Variants in CHURC1 observed in about 807,000 individuals in gnomAD.
CHURC1 encodes the protein protein Churchill.
A neutral mutation model predicts 15.4 loss-of-function variants in CHURC1; 12 were observed. The ratio of observed to expected loss-of-function variants is 0.78; its 90% CI spans 0.50 to 1.27. The LOEUF is 1.27. Ranked by LOEUF, CHURC1 falls within the 50% of genes most tolerant of loss-of-function variation. The probability of loss-of-function intolerance (pLI) is 0.00; values close to 1 mark genes in which losing one functional copy is unlikely to be tolerated. For synonymous variants in CHURC1, 42 were observed against 47.5 expected, an observed-to-expected ratio of 0.88 and a Z score of 0.48; for missense variants, 132 against 137.8, an observed-to-expected ratio of 0.96 and a Z score of 0.21.
chr14:64,922,320 T>C (rs896382448), intron 1 of CHURC1, among the ~76,000 whole-genome samples: 3 of 152,062 alleles, frequency 2.0e-5, no homozygotes, highest in African/African-American at 7.2e-5. Flanking sequence ...GGCTCATTCC[T>C]GTAATCCCAG....
chr14:64,926,493 G>A (rs1884709705), intron 3 of CHURC1, among the ~76,000 whole-genome samples: 1 of 152,188 alleles, frequency 6.6e-6, no homozygotes, highest in African/African-American at 2.4e-5. Context: ...ATAAAGAATA[G>A]TAGCACATTC....
In CHURC1 at chr14:64,932,440, G is replaced by A; in HGVS notation, c.*210G>A. 2.4e-6 allele frequency: 3 copies of A among 1,271,996 alleles called. No homozygotes were observed. The highest frequency in any genetic ancestry group is 3.0e-6 in the Non-Finnish European group (3 of 1,005,150). The allele number at this position is 1,271,996 out of a possible 1,614,324, so 78.8% of individuals were successfully genotyped here. Reference sequence around the variant, plus strand: ...GCTAAAGTTCAAAGTTCACATCAGTGTAGCCAGAGTGAAGCATCTTTGTTA... The same window carrying A: ...GCTAAAGTTCAAAGTTCACATCAGTATAGCCAGAGTGAAGCATCTTTGTTA... On this transcript the variant is annotated 3_prime_UTR_variant, in exon 4 of 4. Coordinates refer to ENST00000549115, the MANE Select transcript of CHURC1 (RefSeq NM_001386928.1).
chr14:64,916,967 A>G (rs1413021522), intron 1 of CHURC1, among the ~76,000 whole-genome samples: 1 of 152,234 alleles, frequency 6.6e-6, no homozygotes, highest in Non-Finnish European at 1.5e-5. Context: ...TTGGGCCACC[A>G]TCAAAATTTT....
chr14:64,928,969 T>C (rs977686394), intron 3 of CHURC1, among the ~76,000 whole-genome samples: 1 of 152,144 alleles, frequency 6.6e-6, no homozygotes, highest in Admixed American at 6.5e-5. Context: ...TCTCATTTCC[T>C]TCTCTAGCCT....
intron 3 of CHURC1, among the ~76,000 whole-genome samples, chr14:64,926,876 G>C (rs528194071): frequency 6.6e-6 from 1 of 152,312 alleles, no homozygotes; most frequent in African/African-American, 2.4e-5. Context: ...AGTTGCTGAA[G>C]ATACACAGGT....
chr14:64,918,293 C>T (rs1315809488), intron 1 of CHURC1, among the ~76,000 whole-genome samples: 2 of 152,124 alleles, frequency 1.3e-5, no homozygotes, highest in Non-Finnish European at 1.5e-5. Context: ...GTGGATGTTA[C>T]GGGTCTTAGA....
In CHURC1 at chr14:64,929,667, T is replaced by C. The variant is rs180717216; in HGVS notation, c.247-2471T>C. 1.3e-3 allele frequency among the ~76,000 whole-genome samples: 192 copies of C among 152,354 alleles called. 1 individual carries two copies. The highest frequency in any genetic ancestry group is 4.4e-3 in the African/African-American group (181 of 41,584). On this transcript the variant is annotated intron_variant, in intron 3 of 3. Transcript: ENST00000549115. ...TACACTACCCATCTTCAAGTTGCTT[T>C]ATTTATATTTCACCATTCTCATATC...
In CHURC1 at chr14:64,933,340, A is replaced by AGT; in HGVS notation, c.*1114_*1115dup. 2.0e-6 allele frequency: 2 copies of AGT among 979,054 alleles called. No individual in the cohort carries two copies. The highest frequency in any genetic ancestry group is 2.4e-6 in the Non-Finnish European group (2 of 823,842). 60.6% of individuals were successfully genotyped at this position (979,054 alleles called of 1,614,324 possible). A position where few individuals can be genotyped will look rare whatever the true frequency, so the allele number is the denominator to read the frequency against. On this transcript the variant is annotated 3_prime_UTR_variant, in exon 4 of 4. Transcript: ENST00000549115. ...GTAGAAACTAGGGAAATCTGAATAC[A>AGT]GTGTGGACTTCAGTTAATATAAATG...
chr14:64,920,011 A>C (rs1217101828), intron 1 of CHURC1, among the ~76,000 whole-genome samples: 1 of 152,132 alleles, frequency 6.6e-6, no homozygotes, highest in Non-Finnish European at 1.5e-5. Flanking sequence ...AAAATCAATG[A>C]AACAAAAAAT....
At chr14:64,926,843 C>T (rs1416788969) in intron 3 of CHURC1, among the ~76,000 whole-genome samples, 2 of 152,158 alleles carry the variant, frequency 1.3e-5, no homozygotes, top group Non-Finnish European at 2.9e-5. Context: ...GAAGAATTCT[C>T]TGGAAGGTTG....
rs778440646 is a variant in CHURC1, at chr14:64,932,148, T to G, written c.257T>G (p.Met86Arg). 76 of 1,613,698 alleles carry G rather than the reference T, an allele frequency of 4.7e-5. No homozygotes were observed. Among genetic ancestry groups the G allele is most frequent in the Admixed American group, 6.7e-5 (4 of 59,998 alleles). Residue 86 changes from methionine (M) to arginine (R), a missense_variant, in exon 4 of 4, where the codon ATG becomes AGG. By Grantham distance (91) the Met-to-Arg change is moderately conservative (BLOSUM62 -1). Coordinates refer to ENST00000549115, the MANE Select transcript of CHURC1 (RefSeq NM_001386928.1). The stretch of plus-strand genomic sequence containing the variant: ...TTTATCTTGTTCTAGGAGTATACCA[T>G]GCTGTGTCTGTTATGCGGCAAAGCC... ...SIMDEFQEYT[M>R]LCLLCGKAED...
intron 1 of CHURC1, among the ~76,000 whole-genome samples, chr14:64,917,805 A>G (rs1883994325): frequency 6.6e-6 from 1 of 152,254 alleles, no homozygotes; most frequent in Non-Finnish European, 1.5e-5. Flanking sequence ...ACATGATCTC[A>G]GGATTTTCAA....
At chr14:64,925,967 C>A in intron 2 of CHURC1, 43 bp from the exon 3 acceptor site, 1 of 1,407,308 alleles carries the variant, frequency 7.1e-7, no homozygotes, top group South Asian at 1.4e-5. Context: ...TTTTAAGAAA[C>A]TCTCTAAGAC....
intron 1 of CHURC1, 110 bp downstream of exon 1, chr14:64,914,644 G>T: frequency 6.4e-7 from 1 of 1,566,924 alleles, no homozygotes; most frequent in Non-Finnish European, 8.7e-7. Context: ...CCGCACTGCC[G>T]GTCCCGGTGA....
At chr14:64,918,304 CTT>C (rs971087698) in intron 1 of CHURC1, among the ~76,000 whole-genome samples, 1 of 152,158 alleles carries the variant, frequency 6.6e-6, no homozygotes, top group Non-Finnish European at 1.5e-5. Context: ...GGGTCTTAGA[CTT>C]TGAATCAGAA....
At chr14:64,925,929 A>C in intron 2 of CHURC1, 81 bp from the exon 3 acceptor site, 1 of 996,268 alleles carries the variant, frequency 1.0e-6, no homozygotes, top group African/African-American at 1.6e-5. Flanking sequence ...TTTAAATAAT[A>C]TGCTGAGAAT....
Position 64,934,057 on chromosome 14 carries a change from A to G in CHURC1, c.*1827A>G, listed in dbSNP as rs935809832. ...AAACTCAGGCACAAAGAAGTTAAAT[A>G]ACTTGCCGGGTGCGGTGGCTCACCC... On this transcript the variant is annotated 3_prime_UTR_variant, in exon 4 of 4. Transcript: ENST00000549115. The G allele has an allele frequency of 5.0e-5, 49 of 973,040 alleles. No individual in the cohort carries two copies. Among genetic ancestry groups the G allele is most frequent in the Non-Finnish European group, 5.3e-5 (44 of 827,118 alleles). The allele number at this position is 973,040 out of a possible 1,614,324, so 60.3% of individuals were successfully genotyped here.
intron 1 of CHURC1, among the ~76,000 whole-genome samples, chr14:64,915,119 A>G (rs1883776344): frequency 6.6e-6 from 1 of 152,186 alleles, no homozygotes; most frequent in Admixed American, 6.5e-5. Context: ...ATCCTTGTTG[A>G]ACATTTATAT....
At chr14:64,919,131 A>G (rs1884096801) in intron 1 of CHURC1, among the ~76,000 whole-genome samples, 1 of 152,182 alleles carries the variant, frequency 6.6e-6, no homozygotes. Context: ...TTTCCTTCAG[A>G]AAAGCATTTA....
Sources: gnomAD v4.1 joint callset for allele counts (sites outside exome capture counted in the v4.1 genomes callset) on GRCh38, gnomAD v4.1.1 for gene constraint, MANE v1.5 for transcripts, NCBI Gene and HGNC (gene_info 2026-07-23, HGNC 2026-07-21) for gene names.